Variants in PRELID2 observed in about 807,000 individuals in gnomAD.
PRELID2 encodes PRELI domain-containing protein 2.
PRELID2 carries 25 observed loss-of-function variants against 28.4 expected under a neutral mutation model. That is an observed-to-expected ratio of 0.88 (90% confidence interval 0.64 to 1.23). PRELID2 has a LOEUF of 1.23. Among genes scored for constraint, PRELID2 ranks in the 50% most tolerant of loss-of-function variants. PRELID2 has a pLI of 0.00. For missense variants in PRELID2, 201 were observed against 214.4 expected (o/e 0.94, Z 0.39); for synonymous variants, 76 against 71.6 (o/e 1.06, Z -0.31).
chr5:145,252,236 T>C, the PRELID2 span, among the ~76,000 whole-genome samples: 14 of 152,142 alleles, frequency 9.2e-5, no homozygotes, highest in Middle Eastern at 3.2e-3. Flanking sequence ...CTGTTGATTC[T>C]TATGTTAAAG....
At chr5:145,762,513 G>A (rs543570632) in intron 6 of PRELID2, among the ~76,000 whole-genome samples, 1 of 152,152 alleles carries the variant, frequency 6.6e-6, no homozygotes, top group Admixed American at 6.6e-5. Flanking sequence ...CCCCAGCCTG[G>A]GCAACAGAAC....
At chr5:145,405,701 TG>T in the PRELID2 span, among the ~76,000 whole-genome samples, 15,476 of 63,702 alleles carry the variant, frequency 0.24, 1,189 homozygotes, top group Non-Finnish European at 0.29. Flanking sequence ...ACCACATAGT[TG>T]TTTTTTTTTT....
At chr5:145,724,605 ATATATATATATAT>A (rs1756084135) in intron 1 of PRELID2, among the ~76,000 whole-genome samples, 5 of 82,612 alleles carry the variant, frequency 6.1e-5, no homozygotes, top group East Asian at 4.6e-4. Context: ...AAATAAATAT[ATATATATATATAT>A]ATATATATAT....
chr5:145,776,903 T>C (rs901629240), intron 5 of PRELID2, among the ~76,000 whole-genome samples: 36 of 152,222 alleles, frequency 2.4e-4, no homozygotes, highest in African/African-American at 8.7e-4. Flanking sequence ...CTGTCTTTAA[T>C]GTTAAACAGT....
intron 1 of PRELID2, among the ~76,000 whole-genome samples, chr5:145,697,042 T>TATAG (rs1755287927): frequency 3.7e-5 from 3 of 80,700 alleles, no homozygotes; most frequent in Admixed American, 1.2e-4. Context: ...ATTATATATA[T>TATAG]ATATATATAT....
chr5:145,596,099 C>CAAAAAAAAAAAAAAAAAA (rs552746530), intron 1 of PRELID2, among the ~76,000 whole-genome samples: 33 of 43,962 alleles, frequency 7.5e-4, no homozygotes, highest in African/African-American at 2.8e-3. Flanking sequence ...GAGCCTGTCT[C>CAAAAAAAAAAAAAAAAAA]AAAAAAAAAA....
At chr5:145,739,222 G>A (rs907964747) in intron 1 of PRELID2, among the ~76,000 whole-genome samples, 2 of 152,102 alleles carry the variant, frequency 1.3e-5, no homozygotes, top group African/African-American at 2.4e-5. Flanking sequence ...AATTTTGAGA[G>A]GGGCTGGGTG....
the PRELID2 span, among the ~76,000 whole-genome samples, chr5:145,413,919 C>T: frequency 6.6e-6 from 1 of 152,042 alleles, no homozygotes; most frequent in Non-Finnish European, 1.5e-5. Context: ...GTCTATATAA[C>T]ACATCTTTAT....
the PRELID2 span, among the ~76,000 whole-genome samples, chr5:145,355,275 G>A: frequency 9.2e-5 from 14 of 152,098 alleles, no homozygotes; most frequent in African/African-American, 3.4e-4. Context: ...TAAATGGGAT[G>A]AATTTTGAGC....
At chr5:145,407,720 T>G in the PRELID2 span, among the ~76,000 whole-genome samples, 1 of 152,250 alleles carries the variant, frequency 6.6e-6, no homozygotes, top group Middle Eastern at 3.4e-3. Flanking sequence ...CAGCAACTCA[T>G]AACAGGACAA....
chr5:145,329,044 A>G, the PRELID2 span, among the ~76,000 whole-genome samples: 88 of 152,218 alleles, frequency 5.8e-4, no homozygotes, highest in African/African-American at 1.9e-3. Context: ...TCCTTTCCCC[A>G]TTGCTTGTTT....
intron 1 of PRELID2, among the ~76,000 whole-genome samples, chr5:145,826,896 A>T (rs340045): frequency 1.3e-5 from 2 of 152,170 alleles, no homozygotes; most frequent in South Asian, 2.1e-4. Context: ...CCTACTCTTA[A>T]AAGAGTTATT....
At chr5:145,251,345 G>C in the PRELID2 span, among the ~76,000 whole-genome samples, 1 of 152,022 alleles carries the variant, frequency 6.6e-6, no homozygotes, top group Non-Finnish European at 1.5e-5. Context: ...TACTGACCCT[G>C]CTGCCCAAGC....
At chr5:145,336,817 A>G in the PRELID2 span, among the ~76,000 whole-genome samples, 5 of 152,028 alleles carry the variant, frequency 3.3e-5, no homozygotes, top group South Asian at 2.1e-4. Flanking sequence ...TTGTAGGGAC[A>G]TGGATGAAAT....
chr5:145,424,849 C>T, the PRELID2 span, among the ~76,000 whole-genome samples: 1 of 152,172 alleles, frequency 6.6e-6, no homozygotes, highest in Non-Finnish European at 1.5e-5. Context: ...CCATTCAGGA[C>T]ATAGGCACAG....
At chr5:145,393,852 G>C in the PRELID2 span, among the ~76,000 whole-genome samples, 1 of 152,196 alleles carries the variant, frequency 6.6e-6, no homozygotes, top group Non-Finnish European at 1.5e-5. Context: ...TGAGGAAGAA[G>C]TGAAATTCTG....
chr5:145,659,867 A>G (rs757980229), intron 1 of PRELID2, among the ~76,000 whole-genome samples: 2 of 152,192 alleles, frequency 1.3e-5, no homozygotes, highest in Non-Finnish European at 2.9e-5. Context: ...TTGTATATTT[A>G]GCATTGAAAT....
At position 145,713,491 on chromosome 5, in the gene PRELID2, CTATAT is replaced by C. The variant is rs201101015; in HGVS notation, n.70+51435_70+51439del. On this transcript the variant is annotated intron_variant and non_coding_transcript_variant, in intron 1 of 2. Coordinates refer to the PRELID2 transcript ENST00000510259. ...TATATACACACACTATATATATATA[CTATAT>C]ATGTATGCCAGAAGACAATGGAATT... Among the ~76,000 whole-genome samples, 857 of 141,292 alleles carry C rather than the reference CTATAT, an allele frequency of 6.1e-3. 3 individuals are homozygous for C. The highest frequency in any genetic ancestry group is 9.0e-3 in the South Asian group (41 of 4,564). The allele number at this position is 141,292 out of a possible 152,430, so 92.7% of individuals were successfully genotyped here. A position where few individuals can be genotyped will look rare whatever the true frequency, so the allele number is the denominator to read the frequency against.
chr5:145,674,516 T>C (rs1417297576), intron 1 of PRELID2, among the ~76,000 whole-genome samples: 1 of 152,202 alleles, frequency 6.6e-6, no homozygotes, highest in Non-Finnish European at 1.5e-5. Context: ...ATTCAGCATC[T>C]GAAATTAGTT....
Sources: gnomAD v4.1 joint callset for allele counts (sites outside exome capture counted in the v4.1 genomes callset) on GRCh38, gnomAD v4.1.1 for gene constraint, MANE v1.5 for transcripts, NCBI Gene and HGNC (gene_info 2026-07-23, HGNC 2026-07-21) for gene names.